Variants in GALNT9 observed in about 807,000 individuals in gnomAD.
GALNT9 encodes the protein polypeptide N-acetylgalactosaminyltransferase 9.
A neutral mutation model predicts 63.1 loss-of-function variants in GALNT9; 47 were observed. The ratio of observed to expected loss-of-function variants is 0.75; its 90% CI spans 0.59 to 0.95. The LOEUF is 0.95. Ranked by LOEUF, GALNT9 falls within the 40% of genes least tolerant of loss-of-function variation. The pLI is 0.00. For missense variants in GALNT9, 829 were observed against 874.8 expected, an observed-to-expected ratio of 0.95 and a Z score of 0.66; for synonymous variants, 396 against 365.7, an observed-to-expected ratio of 1.08 and a Z score of -0.94.
chr12:132,290,688 GCCCACAACCACAGCA>G (rs1880781994), intron 1 of GALNT9, among the ~76,000 whole-genome samples: 2 of 67,976 alleles, frequency 2.9e-5, no homozygotes, highest in Middle Eastern at 0.01. Flanking sequence ...CGTCCTCAGC[GCCCACAACCACAGCA>G]CCCACGTCCA....
Position 132,267,226 on chromosome 12 carries a change from C to T in GALNT9, c.420-4601G>A, listed in dbSNP as rs1476641444. Among the ~76,000 whole-genome samples, 47 of 126,716 alleles carry T rather than the reference C, an allele frequency of 3.7e-4. 1 individual carries two copies. The highest frequency in any genetic ancestry group is 2.4e-3 in the Admixed American group (34 of 14,068). 83.1% of individuals were successfully genotyped at this position (126,716 alleles called of 152,430 possible). On this transcript the variant is annotated intron_variant, in intron 2 of 10. Transcript: ENST00000328957. ...AAGGAGGCAGGCAGGGGAACCAGGG[C>T]GGGGAAGGAGGCAGGCAGGGCCACA...
At chr12:132,275,856 G>C (rs1880064140) in intron 2 of GALNT9, 1 of 152,654 alleles carries the variant, frequency 6.6e-6, no homozygotes, top group Admixed American at 6.5e-5. Flanking sequence ...GGGTCTGTGG[G>C]TGAGATGCTG....
chr12:132,273,630 ACT>A (rs1555240944), intron 2 of GALNT9: 1 of 152,578 alleles, frequency 6.6e-6, no homozygotes, highest in Non-Finnish European at 1.5e-5. Context: ...CCCCCGAATA[ACT>A]CAGCCTGAGT....
rs782388881 is a variant in GALNT9, at chr12:132,262,471, TGTC to T, written c.571_573del (p.Asp191del). The T allele has an allele frequency of 1.3e-6, 2 of 1,550,486 alleles. No homozygotes were observed. The highest frequency in any genetic ancestry group is 2.4e-5 in the South Asian group (2 of 84,042). On this transcript the variant is annotated inframe_deletion, in exon 3 of 11. Transcript: ENST00000328957. ...CCCGCCCACTCACCGTTGTCACTGT[TGTC>T]GTCCACCAGGATGACCTCCTTGAGG...
intron 1 of GALNT9, among the ~76,000 whole-genome samples, chr12:132,320,323 G>A (rs60614810): frequency 0.24 from 36,137 of 152,192 alleles, 4,392 homozygotes; most frequent in Admixed American, 0.29. Flanking sequence ...CCTCGAGGAC[G>A]CGGGTGCGGC....
chr12:132,271,358 C>T (rs1279185608), intron 2 of GALNT9, among the ~76,000 whole-genome samples: 5 of 152,104 alleles, frequency 3.3e-5, no homozygotes, highest in African/African-American at 4.8e-5. Flanking sequence ...CTGCCTCCGC[C>T]GCTCCCACCC....
In GALNT9 at chr12:132,262,514, G is replaced by A; in HGVS notation, c.531C>T (p.His177=). The A allele has an allele frequency of 6.4e-7, 1 of 1,551,432 alleles. No homozygotes were observed. The change falls in exon 3 of 11, where the codon CAC becomes CAT. Residue 177 remains histidine (H), a synonymous_variant. Transcript: ENST00000328957. ...ILRSVHSVVN[H]TPSQLLKEVI... ...CCTCCTTGAGGAGCTGGGAGGGCGT[G>A]TGGTTGACCACGCTGTGCACGGAGC...
chr12:132,295,418 G>A (rs1173644607), intron 1 of GALNT9, among the ~76,000 whole-genome samples: 2 of 152,270 alleles, frequency 1.3e-5, no homozygotes, highest in Admixed American at 6.5e-5. Context: ...TCCCAGCCCT[G>A]GGGACCTGTG....
Position 132,246,677 on chromosome 12 carries a change from C to A in GALNT9, c.1077+1233G>T, listed in dbSNP as rs1878716529. Among the ~76,000 whole-genome samples, 1 of 152,206 alleles carries A rather than the reference C, an allele frequency of 6.6e-6. No homozygotes were observed. Among genetic ancestry groups the A allele is most frequent in the African/African-American group, 2.4e-5 (1 of 41,448 alleles). Reference sequence around the variant, plus strand: ...CCTCCTGAGTAGCTGGGATTATAGGCATGCACCACCATGCCTGGTTAATTT... The same window carrying A: ...CCTCCTGAGTAGCTGGGATTATAGGAATGCACCACCATGCCTGGTTAATTT... On this transcript the variant is annotated intron_variant, in intron 6 of 10. Transcript: ENST00000328957. The surrounding 1 kb of genome is among the most constrained non-coding windows in gnomAD (Gnocchi z 4.7).
rs2136894912 is a variant in GALNT9, at chr12:132,236,686, G to A, written c.1077+11224C>T. ...GCCATCCCGAAGATCGCCCAGCCTC[G>A]CAAGGTGTAAGGTTTCGGGGCATCA... On this transcript the variant is annotated intron_variant, in intron 6 of 10. Coordinates refer to ENST00000328957, the MANE Select transcript of GALNT9 (RefSeq NM_001122636.2). The surrounding 1 kb of genome is among the most constrained non-coding windows in gnomAD (Gnocchi z 5.6). 6.6e-6 allele frequency among the ~76,000 whole-genome samples: 1 copy of A among 152,262 alleles called. No homozygotes were observed. Among genetic ancestry groups the A allele is most frequent in the Admixed American group, 6.5e-5 (1 of 15,298 alleles).
chr12:132,289,985 C>A (rs1555242543), intron 1 of GALNT9, among the ~76,000 whole-genome samples: 1 of 152,224 alleles, frequency 6.6e-6, no homozygotes, highest in Non-Finnish European at 1.5e-5. Flanking sequence ...ATCCGATCTT[C>A]TTCCTTGGCT....
intron 2 of GALNT9, among the ~76,000 whole-genome samples, chr12:132,281,898 C>T (rs1593102351): frequency 6.7e-6 from 1 of 148,464 alleles, no homozygotes; most frequent in African/African-American, 2.5e-5. Flanking sequence ...ACAGCAAGGC[C>T]AGGCCTGGGG....
chr12:132,312,085 C>T (rs1881835005), intron 1 of GALNT9, among the ~76,000 whole-genome samples: 1 of 152,204 alleles, frequency 6.6e-6, no homozygotes, highest in Non-Finnish European at 1.5e-5. Context: ...TTAAGATTAC[C>T]TGGGGACCCA....
At chr12:132,262,038 G>A (rs1555239809) in intron 3 of GALNT9, among the ~76,000 whole-genome samples, 1 of 152,240 alleles carries the variant, frequency 6.6e-6, no homozygotes, top group African/African-American at 2.4e-5. Context: ...CAGCTCTACT[G>A]GCCTCTGTGG....
intron 5 of GALNT9, among the ~76,000 whole-genome samples, chr12:132,250,916 A>C (rs941803017): frequency 1.2e-4 from 19 of 152,214 alleles, no homozygotes; most frequent in African/African-American, 2.4e-5. Context: ...TGTCGCCTGC[A>C]CACGTGCACA....
At chr12:132,291,453 A>G (rs1329402945) in intron 1 of GALNT9, among the ~76,000 whole-genome samples, 9 of 122,310 alleles carry the variant, frequency 7.4e-5, no homozygotes, top group African/African-American at 1.6e-4. Context: ...CGTCCACATC[A>G]CCCACATCCA....
Position 132,201,264 on chromosome 12 carries a change from G to A in GALNT9, c.1264-3C>T, listed in dbSNP as rs991893567. 6 of 1,610,432 alleles carry A rather than the reference G, an allele frequency of 3.7e-6. No homozygotes were observed. The Admixed American group carries it at 5.0e-5, about 13-fold the overall frequency. On this transcript the variant is annotated splice_polypyrimidine_tract_variant and splice_region_variant and intron_variant, in intron 7 of 10. Coordinates refer to ENST00000328957, the MANE Select transcript of GALNT9 (RefSeq NM_001122636.2). ...TCCCCGAAGTCCACCCCTGGGTTCT[G>A]CAAGGCCAGAAGTAGGTGAGAGGGT...
intron 2 of GALNT9, among the ~76,000 whole-genome samples, chr12:132,263,016 C>G (rs545522270): frequency 1.4e-4 from 21 of 152,272 alleles, no homozygotes; most frequent in Admixed American, 2.0e-4. Flanking sequence ...ATGAACGTCC[C>G]CGTTCCACAG....
chr12:132,203,473 T>C, intron 7 of GALNT9, 32 bp downstream of exon 7: 7 of 1,608,722 alleles, frequency 4.4e-6, no homozygotes, highest in Non-Finnish European at 5.9e-6. Flanking sequence ...CCCTGGGGCA[T>C]GGCCCCGGCT....
Sources: allele counts gnomAD v4.1 joint callset (sites outside exome capture counted in the v4.1 genomes callset), GRCh38; gene constraint gnomAD v4.1.1; non-coding constraint Gnocchi (gnomAD v3.1); transcripts MANE v1.5; gene names NCBI Gene and HGNC (gene_info 2026-07-23, HGNC 2026-07-21).